Variants in SUN3 observed in about 807,000 individuals in gnomAD.
SUN3 encodes the protein Sad1 and UNC84 domain containing 3.
In SUN3, 36 loss-of-function variants were observed where a neutral mutation model predicts 48.2. That is an observed-to-expected ratio of 0.75 (90% confidence interval 0.57 to 0.99). The LOEUF (loss-of-function observed/expected upper bound fraction) is 0.99. Ranked by LOEUF, SUN3 falls within the 50% of genes least tolerant of loss-of-function variation. SUN3 has a pLI of 0.00. For synonymous variants in SUN3, 148 were observed against 147.9 expected, an observed-to-expected ratio of 1.00 and a Z score of 0.00; for missense variants, 419 against 433.1, an observed-to-expected ratio of 0.97 and a Z score of 0.29.
chr7:48,031,784 A>G (rs1790258783), upstream of SUN3, among the ~76,000 whole-genome samples: 1 of 152,098 alleles, frequency 6.6e-6, no homozygotes, highest in Admixed American at 6.6e-5. Flanking sequence ...AAGCCAAGAT[A>G]TAAAAACAAC....
At chr7:48,000,132 T>A (rs565317557) in intron 6 of SUN3, 1 of 152,272 alleles carries the variant, frequency 6.6e-6, no homozygotes, top group African/African-American at 2.4e-5. Context: ...AATTACCTCA[T>A]CTTTTGTTGT....
chr7:48,022,970 G>A (rs1453835332), intron 2 of SUN3, among the ~76,000 whole-genome samples: 1 of 152,090 alleles, frequency 6.6e-6, no homozygotes, highest in Non-Finnish European at 1.5e-5. Context: ...AGCTCATGGT[G>A]TCTCTATGAC....
intron 3 of SUN3, among the ~76,000 whole-genome samples, chr7:48,009,557 A>G (rs960893771): frequency 6.6e-6 from 1 of 152,180 alleles, no homozygotes; most frequent in Non-Finnish European, 1.5e-5. Flanking sequence ...CTTACAAATA[A>G]GAAAGGGATG....
chr7:48,001,815 C>T (rs572938199), intron 6 of SUN3, among the ~76,000 whole-genome samples: 4 of 152,274 alleles, frequency 2.6e-5, no homozygotes, highest in African/African-American at 9.6e-5. Context: ...GGATTACAGG[C>T]GTGAGCCACC....
At chr7:48,030,731 G>C (rs990320807), upstream of SUN3, among the ~76,000 whole-genome samples, 3 of 152,166 alleles carry the variant, frequency 2.0e-5, no homozygotes, top group African/African-American at 4.8e-5. Context: ...TTGTATTTAA[G>C]TTATTATCCA....
chr7:48,027,541 C>T lies in SUN3; in HGVS notation c.122+1276G>A, dbSNP rs568728104. On this transcript the variant is annotated intron_variant, in intron 1 of 9. Coordinates refer to ENST00000297325, the MANE Select transcript of SUN3 (RefSeq NM_001030019.2). ...TGATCACATTAATCTAACGTGAAGG[C>T]TATAAACTTCCGGATAAAGTATTAC... Among the ~76,000 whole-genome samples the T allele has an allele frequency of 7.9e-5, 12 of 152,270 alleles. No homozygotes were observed. In the South Asian group the frequency reaches 2.5e-3, roughly 32 times the overall value.
At chr7:48,007,438 T>C (rs1004125142) in intron 4 of SUN3, 111 bp from the exon 5 acceptor site, 43 of 972,978 alleles carry the variant, frequency 4.4e-5, no homozygotes, top group Admixed American at 2.0e-4. Context: ...GTTGAAGATA[T>C]ACATTCTTGA....
upstream of SUN3, chr7:48,029,126 T>C: frequency 2.5e-6 from 2 of 805,210 alleles, no homozygotes; most frequent in Admixed American, 3.1e-5. Context: ...TGTTGCATCA[T>C]CCTCCGTGAC....
chr7:48,021,763 G>A (rs1239754491), intron 2 of SUN3, among the ~76,000 whole-genome samples: 1 of 152,104 alleles, frequency 6.6e-6, no homozygotes, highest in Non-Finnish European at 1.5e-5. Context: ...CCAAAAGATA[G>A]GCAATAACAA....
rs574552304 is a variant in SUN3, at chr7:48,007,336, G to A, written c.330-9C>T. On this transcript the variant is annotated splice_polypyrimidine_tract_variant and intron_variant, in intron 4 of 9. Transcript: ENST00000297325. ...GATTCTGGCTTTCCTTCCTGTAAAG[G>A]GAAAATCTCAGCATGAGAGGAAGAA... 7 of 1,611,706 alleles carry A rather than the reference G, an allele frequency of 4.3e-6. No homozygotes were observed. Among genetic ancestry groups the A allele is most frequent in the Middle Eastern group, 1.7e-4 (1 of 6,056 alleles).
chr7:48,029,841 ATTG>A (rs1164730698), upstream of SUN3, among the ~76,000 whole-genome samples: 1 of 151,992 alleles, frequency 6.6e-6, no homozygotes, highest in Non-Finnish European at 1.5e-5. Context: ...TTGTGGATTG[ATTG>A]TTGTTGATGA....
chr7:47,994,694 C>T (rs1296774506), intron 7 of SUN3, among the ~76,000 whole-genome samples: 3 of 152,178 alleles, frequency 2.0e-5, no homozygotes, highest in African/African-American at 7.2e-5. Context: ...TCTTTCATTG[C>T]TCTAACTAGA....
At chr7:48,005,869 G>A (rs1789510841) in intron 6 of SUN3, 100 bp downstream of exon 6, 2 of 586,942 alleles carry the variant, frequency 3.4e-6, no homozygotes, top group African/African-American at 2.2e-5. Flanking sequence ...CAAGTTACCA[G>A]ATAAATATGT....
chr7:48,011,680 A>G (rs572241025), intron 3 of SUN3, among the ~76,000 whole-genome samples: 1 of 152,372 alleles, frequency 6.6e-6, no homozygotes, highest in South Asian at 2.1e-4. Flanking sequence ...GTTCCATGAA[A>G]AATAAAATAT....
intron 6 of SUN3, among the ~76,000 whole-genome samples, 156 bp from the exon 7 acceptor site, chr7:47,996,302 T>C (rs567988009): frequency 6.6e-6 from 1 of 152,292 alleles, no homozygotes; most frequent in South Asian, 2.1e-4. Context: ...AGTATGACAG[T>C]TTTCACTACC....
At chr7:48,003,214 A>G (rs1719285918) in intron 6 of SUN3, among the ~76,000 whole-genome samples, 1 of 152,164 alleles carries the variant, frequency 6.6e-6, no homozygotes, top group Non-Finnish European at 1.5e-5. Context: ...TTGGTAGAAG[A>G]TTAGATAGTT....
intron 6 of SUN3, among the ~76,000 whole-genome samples, chr7:47,996,621 AAT>A (rs1232214100): frequency 1.3e-5 from 2 of 152,184 alleles, no homozygotes; most frequent in Admixed American, 6.5e-5. Flanking sequence ...AGAAATATGA[AAT>A]ATACTCATCA....
intron 8 of SUN3, among the ~76,000 whole-genome samples, chr7:47,991,558 C>T (rs1239448368): frequency 2.0e-5 from 3 of 151,748 alleles, no homozygotes; most frequent in Non-Finnish European, 4.4e-5. Flanking sequence ...AAGGCATAAA[C>T]CTATATAAGG....
At chr7:48,005,765 G>A (rs1429229251) in intron 6 of SUN3, among the ~76,000 whole-genome samples, 1 of 151,306 alleles carries the variant, frequency 6.6e-6, no homozygotes, top group Non-Finnish European at 1.5e-5. Context: ...AGTTGCACAG[G>A]CTTTTTTCCC....
Sources: gnomAD v4.1 joint callset for allele counts (sites outside exome capture counted in the v4.1 genomes callset) on GRCh38, gnomAD v4.1.1 for gene constraint, MANE v1.5 for transcripts, NCBI Gene and HGNC (gene_info 2026-07-23, HGNC 2026-07-21) for gene names.